The following PSMA8 variants were observed in gnomAD, a reference collection of about 807,000 sequenced individuals.
The protein encoded by PSMA8 is proteasome subunit alpha-type 8.
A neutral mutation model predicts 32.4 loss-of-function variants in PSMA8; 18 were observed. The ratio of observed to expected loss-of-function variants is 0.56; its 90% CI spans 0.38 to 0.82. The LOEUF is 0.82. Ranked by LOEUF, PSMA8 falls within the 40% of genes least tolerant of loss-of-function variation. PSMA8 has a pLI of 0.00. For synonymous variants in PSMA8, 104 were observed against 98.1 expected (o/e 1.06, Z -0.36); for missense variants, 298 against 300.7 (o/e 0.99, Z 0.07).
chr18:26,164,031 A>T (rs1260126302), intron 4 of PSMA8, among the ~76,000 whole-genome samples: 2 of 152,230 alleles, frequency 1.3e-5, no homozygotes, highest in Non-Finnish European at 1.5e-5. Flanking sequence ...TTATCAATTT[A>T]CTCAGTTCCA....
At chr18:26,165,168 G>A (rs983209284) in intron 4 of PSMA8, among the ~76,000 whole-genome samples, 8 of 152,060 alleles carry the variant, frequency 5.3e-5, no homozygotes, top group Non-Finnish European at 1.0e-4. Context: ...CTCAGCTTCC[G>A]AAAGTGCTGG....
chr18:26,185,998 T>G (rs111321363), intron 6 of PSMA8, among the ~76,000 whole-genome samples: 5,435 of 149,962 alleles, frequency 0.036, 364 homozygotes, highest in African/African-American at 0.073. Context: ...TCCCAGCCCT[T>G]TGGGAGACCG....
At chr18:26,139,824 G>A (rs1019687834) in intron 1 of PSMA8, among the ~76,000 whole-genome samples, 1 of 152,198 alleles carries the variant, frequency 6.6e-6, no homozygotes, top group African/African-American at 2.4e-5. Flanking sequence ...AAGAAAAAAG[G>A]TGGGATTAAA....
intron 1 of PSMA8, 58 bp downstream of exon 1, chr18:26,134,125 C>G (rs2054889177): frequency 8.0e-7 from 1 of 1,249,842 alleles, no homozygotes; most frequent in African/African-American, 1.5e-5. Flanking sequence ...GCCATCGTTA[C>G]CCTGCTGCCC....
At chr18:26,188,605 A>G (rs989628737) in intron 6 of PSMA8, among the ~76,000 whole-genome samples, 3 of 152,234 alleles carry the variant, frequency 2.0e-5, no homozygotes, top group African/African-American at 7.2e-5. Flanking sequence ...CTACAGAGCT[A>G]TGGTAACCAA....
intron 6 of PSMA8, among the ~76,000 whole-genome samples, chr18:26,187,443 T>C (rs573000978): frequency 6.6e-6 from 1 of 151,982 alleles, no homozygotes; most frequent in Admixed American, 6.6e-5. Flanking sequence ...AATAATAACA[T>C]TGAATGTAAG....
At chr18:26,139,422 T>C (rs1360368402) in intron 1 of PSMA8, among the ~76,000 whole-genome samples, 1 of 152,184 alleles carries the variant, frequency 6.6e-6, no homozygotes, top group Non-Finnish European at 1.5e-5. Context: ...GGTAGACAAC[T>C]TGATTGCAGC....
intron 4 of PSMA8, among the ~76,000 whole-genome samples, chr18:26,159,061 A>G (rs895630): frequency 0.3 from 46,262 of 151,952 alleles, 11,027 homozygotes; most frequent in African/African-American, 0.66. Context: ...GTGAATTTTT[A>G]TATATTCCTG....
chr18:26,177,941 C>T (rs1877535161), intron 4 of PSMA8, among the ~76,000 whole-genome samples: 1 of 152,182 alleles, frequency 6.6e-6, no homozygotes, highest in Admixed American at 6.6e-5. Flanking sequence ...GAGCCAGTCA[C>T]AGTGGCTCAT....
intron 4 of PSMA8, among the ~76,000 whole-genome samples, chr18:26,164,120 A>T (rs1165860533): frequency 6.6e-6 from 1 of 152,182 alleles, no homozygotes; most frequent in East Asian, 1.9e-4. Context: ...AACAGTTTGG[A>T]TGGAGTGATG....
rs1289861921 is a variant in PSMA8 at position 26,184,517 on chromosome 18, A to G, written c.660+5387A>G. On this transcript the variant is annotated intron_variant, in intron 6 of 6. Transcript: ENST00000415576. Reference sequence around the variant, plus strand: ...GCCGGGCGCGGTGGCTCACGCTTGCAATCTCAGCACTTTGGGAGGCTGAGG... The same window carrying G: ...GCCGGGCGCGGTGGCTCACGCTTGCGATCTCAGCACTTTGGGAGGCTGAGG... 1.3e-5 allele frequency among the ~76,000 whole-genome samples: 2 copies of G among 150,198 alleles called. 1 individual carries two copies. Among genetic ancestry groups the G allele is most frequent in the Non-Finnish European group, 3.0e-5 (2 of 67,640 alleles).
At chr18:26,151,238 A>C (rs142398559) in intron 2 of PSMA8, among the ~76,000 whole-genome samples, 20 of 152,318 alleles carry the variant, frequency 1.3e-4, no homozygotes, top group Admixed American at 1.2e-3. Flanking sequence ...CTTTCTTGGC[A>C]ATTTAGTTAG....
chr18:26,191,648 A>AT (rs879530354), intron 6 of PSMA8, among the ~76,000 whole-genome samples: 31 of 152,002 alleles, frequency 2.0e-4, no homozygotes, highest in Non-Finnish European at 1.8e-4. Flanking sequence ...TGAAAAAAAA[A>AT]GAAAAAGAAA....
chr18:26,146,474 CAT>C (rs1341216525), intron 2 of PSMA8, among the ~76,000 whole-genome samples: 3 of 152,096 alleles, frequency 2.0e-5, no homozygotes, highest in Non-Finnish European at 4.4e-5. Flanking sequence ...AATATAAAAA[CAT>C]TGAAGCATCC....
At position 26,176,826 on chromosome 18, in the gene PSMA8, G is replaced by A. The variant is rs1993769; in HGVS notation, c.478-2004G>A. On this transcript the variant is annotated intron_variant, in intron 4 of 6. Transcript: ENST00000415576. The stretch of plus-strand genomic sequence containing the variant: ...CAGACACCTATAATCCCAGCTACTC[G>A]GGAGGCTGAGGCAGGAGAATTGCCT... Among the ~76,000 whole-genome samples, 1,248 of 152,136 alleles carry A rather than the reference G, an allele frequency of 8.2e-3. 17 individuals carry two copies. The highest frequency in any genetic ancestry group is 0.029 in the African/African-American group (1,191 of 41,500).
Position 26,192,331 on chromosome 18 carries a change from A to G in PSMA8, c.673A>G (p.Lys225Glu), listed in dbSNP as rs773612544. 1 of 1,513,134 alleles carries G rather than the reference A, an allele frequency of 6.6e-7. No homozygotes were observed. 93.7% of individuals were successfully genotyped at this position (1,513,134 alleles called of 1,614,324 possible). The change falls in exon 7 of 7, where the codon AAA (lysine) becomes GAA (glutamate). Residue 225 changes from lysine (K) to glutamate (E), a missense_variant. Transcript: ENST00000415576. ...TTTCTCTTTTCAGATGTTTAGTGCAAAAGAAGTTGAATTATATGTAACTGA... is the reference window on the plus strand; with the variant it reads ...TTTCTCTTTTCAGATGTTTAGTGCAGAAGAAGTTGAATTATATGTAACTGA... The part of the protein sequence containing the change: ...RNQPLKMFSA[K>E]EVELYVTEIE...
At chr18:26,174,948 G>A (rs138236873) in intron 4 of PSMA8, among the ~76,000 whole-genome samples, 86 of 152,298 alleles carry the variant, frequency 5.6e-4, no homozygotes, top group Admixed American at 3.5e-3. Flanking sequence ...CTACTCTGAT[G>A]TTTTGTGGGA....
At chr18:26,183,495 A>G (rs1004619101) in intron 6 of PSMA8, among the ~76,000 whole-genome samples, 1 of 150,880 alleles carries the variant, frequency 6.6e-6, no homozygotes, top group African/African-American at 2.4e-5. Context: ...TCAAGACTTT[A>G]GTGGAGGAAG....
In PSMA8 at chr18:26,144,596, T is replaced by G. The variant is rs147712923; in HGVS notation, c.140T>G (p.Val47Gly). The change falls in exon 2 of 7, where the codon GTA becomes GGA. Residue 47 changes from valine (V) to glycine (G), a missense_variant. Val to Gly is a moderately radical substitution (Grantham distance 109, BLOSUM62 -3). Transcript: ENST00000415576. The stretch of plus-strand genomic sequence containing the variant: ...GGTACCAATATAGTTGTTCTTGGGG[T>G]AGAAAAAAAATCTGTTGCCAAGCTT... ...IRGTNIVVLGVEKKSVAKLQD... is the reference protein window; with the variant it reads ...IRGTNIVVLGGEKKSVAKLQD... The G allele has an allele frequency of 6.2e-7, 1 of 1,613,428 alleles. No homozygotes were observed. Among genetic ancestry groups the G allele is most frequent in the Non-Finnish European group, 8.5e-7 (1 of 1,179,620 alleles).
Sources: gnomAD v4.1 joint callset for allele counts (sites outside exome capture counted in the v4.1 genomes callset) on GRCh38, gnomAD v4.1.1 for gene constraint, MANE v1.5 for transcripts, NCBI Gene and HGNC (gene_info 2026-07-23, HGNC 2026-07-21) for gene names.